Variants in MGLL observed in about 807,000 individuals in gnomAD.
The protein encoded by MGLL is lysophospholipase homolog.
Under a neutral mutation model 29.1 loss-of-function variants are expected in MGLL, and 7 were observed. That is an observed-to-expected ratio of 0.24 (90% CI 0.14 to 0.45). MGLL has a LOEUF of 0.45. Among genes scored for constraint, MGLL ranks in the 20% least tolerant of loss-of-function variants. MGLL has a pLI of 0.99. For synonymous variants in MGLL, 148 were observed against 168.3 expected, an observed-to-expected ratio of 0.88 and a Z score of 0.93; for missense variants, 356 against 413.6, an observed-to-expected ratio of 0.86 and a Z score of 1.21.
At chr3:127,781,752 G>A in intron 3 of MGLL, 37 bp downstream of exon 3, 1 of 1,580,666 alleles carries the variant, frequency 6.3e-7, no homozygotes, top group Non-Finnish European at 8.7e-7. Flanking sequence ...AAATTGTCAG[G>A]GCCCAGCCAG....
intron 2 of MGLL, among the ~76,000 whole-genome samples, chr3:127,806,271 A>T (rs1402531895): frequency 3.3e-5 from 5 of 152,280 alleles, no homozygotes; most frequent in Non-Finnish European, 5.9e-5. Context: ...CTTGGAAGGC[A>T]GGGACCATGG....
At chr3:127,822,689 G>C (rs1480692489), upstream of MGLL, 1 of 293,922 alleles carries the variant, frequency 3.4e-6, no homozygotes, top group Non-Finnish European at 6.4e-6. Context: ...ACAAATGCGG[G>C]TGCCCAAGGC....
At chr3:127,750,993 G>A (rs1446047158) in intron 3 of MGLL, among the ~76,000 whole-genome samples, 1 of 152,180 alleles carries the variant, frequency 6.6e-6, no homozygotes, top group African/African-American at 2.4e-5. Context: ...TGTGTGGAGG[G>A]ACCAGAGGTG....
chr3:127,724,846 C>G (rs536929390), intron 3 of MGLL, among the ~76,000 whole-genome samples: 11 of 152,204 alleles, frequency 7.2e-5, no homozygotes, highest in African/African-American at 2.7e-4. Context: ...GCAATCCTAC[C>G]TCACAACCCT....
At chr3:127,748,744 G>A (rs1057281150) in intron 3 of MGLL, among the ~76,000 whole-genome samples, 5 of 152,216 alleles carry the variant, frequency 3.3e-5, no homozygotes, top group African/African-American at 9.6e-5. Flanking sequence ...ATAAATCCCT[G>A]CTGTTGAAGC....
chr3:127,785,613 C>T (rs1031645229), intron 2 of MGLL, among the ~76,000 whole-genome samples: 4 of 152,374 alleles, frequency 2.6e-5, no homozygotes, highest in Non-Finnish European at 4.4e-5. Context: ...AGTGTGACCA[C>T]GCAGGACCCT....
intron 3 of MGLL, among the ~76,000 whole-genome samples, chr3:127,768,597 G>A (rs2076897165): frequency 6.6e-6 from 1 of 152,190 alleles, no homozygotes; most frequent in African/African-American, 2.4e-5. Flanking sequence ...CATCCAAGAT[G>A]ACTAAGTAAG....
chr3:127,761,147 CG>C lies in MGLL; in HGVS notation c.262+20641del, dbSNP rs934453276. On this transcript the variant is annotated intron_variant, in intron 3 of 7. Coordinates refer to ENST00000265052, the MANE Select transcript of MGLL (RefSeq NM_007283.7). This position sits in a 1 kb window ranked among gnomAD's most constrained non-coding sequence, Gnocchi z 4.6. The stretch of plus-strand genomic sequence containing the variant: ...CTATGAGCAAGGTGCCACACAGATG[CG>C]GAGAGCAGAGGCCCCAGTTGCTGTG... 2.6e-5 allele frequency among the ~76,000 whole-genome samples: 4 copies of C among 152,232 alleles called. No homozygotes were observed. The highest frequency in any genetic ancestry group is 9.6e-5 in the African/African-American group (4 of 41,472).
At chr3:127,769,719 A>C (rs1262071677) in intron 3 of MGLL, among the ~76,000 whole-genome samples, 1 of 152,226 alleles carries the variant, frequency 6.6e-6, no homozygotes, top group Non-Finnish European at 1.5e-5. Context: ...TGTTTGGTTC[A>C]GCATTTCCCC....
chr3:127,694,282 A>ATATAT lies in MGLL; in HGVS notation c.816+692_816+693insATATA, dbSNP rs1553752279. On this transcript the variant is annotated intron_variant, in intron 7 of 7. Coordinates refer to ENST00000265052, the MANE Select transcript of MGLL (RefSeq NM_007283.7). ...GATACTCTGTCTGAAAAAAAAAAAAAAAAAATATATATATATATATATATA... is the reference window on the plus strand; with the variant it reads ...GATACTCTGTCTGAAAAAAAAAAAAATATATAAAAATATATATATATATATATATA... 6.1e-5 allele frequency among the ~76,000 whole-genome samples: 7 copies of ATATAT among 114,900 alleles called. No individual in the cohort carries two copies. The East Asian group carries it at 1.1e-3, about 17-fold the overall frequency. The allele number at this position is 114,900 out of a possible 152,430, so 75.4% of individuals were successfully genotyped here. A position where few individuals can be genotyped will look rare whatever the true frequency, so the allele number is the denominator to read the frequency against.
intron 2 of MGLL, among the ~76,000 whole-genome samples, chr3:127,792,430 G>A (rs954925857): frequency 2.0e-5 from 3 of 152,302 alleles, no homozygotes; most frequent in East Asian, 1.9e-4. Context: ...TTGGCAGGTC[G>A]CAGTGGCTCC....
At chr3:127,765,308 T>G (rs181280185) in intron 3 of MGLL, among the ~76,000 whole-genome samples, 1 of 152,338 alleles carries the variant, frequency 6.6e-6, no homozygotes, top group Admixed American at 6.5e-5. Flanking sequence ...CAGGAAACCT[T>G]AAATATTTTC....
At chr3:127,750,361 C>T (rs543390145) in intron 3 of MGLL, among the ~76,000 whole-genome samples, 18 of 152,274 alleles carry the variant, frequency 1.2e-4, no homozygotes, top group Admixed American at 6.5e-4. Flanking sequence ...GGGCAGGCCA[C>T]GTGCCTCTTC....
At chr3:127,737,662 G>A (rs1271273493) in intron 3 of MGLL, among the ~76,000 whole-genome samples, 1 of 41,442 alleles carries the variant, frequency 2.4e-5, no homozygotes, top group Non-Finnish European at 3.9e-5. Flanking sequence ...TTTTTTTTGT[G>A]AGACAGGGTT....
chr3:127,816,198 G>C (rs1038751823), intron 2 of MGLL, among the ~76,000 whole-genome samples: 2 of 152,204 alleles, frequency 1.3e-5, no homozygotes, highest in Non-Finnish European at 2.9e-5. Flanking sequence ...AGTTCAGAAG[G>C]GCTACAGGGT....
chr3:127,754,383 AG>A (rs1404284416), intron 3 of MGLL, among the ~76,000 whole-genome samples: 3 of 152,204 alleles, frequency 2.0e-5, no homozygotes, highest in Non-Finnish European at 2.9e-5. Flanking sequence ...ATCTATCAAA[AG>A]CTCCACACAA....
chr3:127,796,647 G>A (rs1309168460), intron 2 of MGLL, among the ~76,000 whole-genome samples: 2 of 152,194 alleles, frequency 1.3e-5, no homozygotes, highest in African/African-American at 4.8e-5. Context: ...CCTCAAAACA[G>A]TGATGTACTG....
At chr3:127,818,782 C>G (rs991356849) in intron 2 of MGLL, among the ~76,000 whole-genome samples, 18 of 152,228 alleles carry the variant, frequency 1.2e-4, no homozygotes, top group Middle Eastern at 3.4e-3. Flanking sequence ...GTTTCCTCAT[C>G]TGTAAAATGG....
Position 127,730,302 on chromosome 3 carries a change from G to A in MGLL, c.263-7736C>T, listed in dbSNP as rs559888475. ...AGCTGCTCTGATGGTGTCGTGGTCC[G>A]ACGGCCCCCACTGTTTGAGAATGCA... On this transcript the variant is annotated intron_variant, in intron 3 of 7. Transcript: ENST00000265052. Among the ~76,000 whole-genome samples, 6 of 152,124 alleles carry A rather than the reference G, an allele frequency of 3.9e-5. No individual in the cohort carries two copies. The South Asian group carries it at 1.0e-3, about 26-fold the overall frequency.
Sources: gnomAD v4.1 joint callset for allele counts (sites outside exome capture counted in the v4.1 genomes callset) on GRCh38, gnomAD v4.1.1 for gene constraint, Gnocchi (gnomAD v3.1) non-coding constraint, MANE v1.5 for transcripts, NCBI Gene and HGNC (gene_info 2026-07-23, HGNC 2026-07-21) for gene names.